The following LARS1 variants were observed in gnomAD, a reference collection of about 807,000 sequenced individuals.
LARS1 encodes leucine--tRNA ligase, cytoplasmic.
In LARS1, 100 loss-of-function variants were observed where a neutral mutation model predicts 162.8. The ratio of observed to expected loss-of-function variants is 0.61; its 90% CI spans 0.52 to 0.73. The LOEUF is 0.73. Among genes scored for constraint, LARS1 ranks in the 30% least tolerant of loss-of-function variants. The pLI, the probability that LARS1 is intolerant of heterozygous loss-of-function variation, is 0.00. For synonymous variants in LARS1, 457 were observed against 462.8 expected, an observed-to-expected ratio of 0.99 and a Z score of 0.16; for missense variants, 1,258 against 1,408.9, an observed-to-expected ratio of 0.89 and a Z score of 1.71.
intron 4 of LARS1, 95 bp from the exon 5 acceptor site, chr5:146,168,360 A>C: frequency 7.4e-7 from 1 of 1,346,278 alleles, no homozygotes; most frequent in Admixed American, 2.3e-5. Flanking sequence ...TTGACTCTGA[A>C]ATTTTTTGCA....
At chr5:146,139,547 A>G (rs1752668729) in intron 21 of LARS1, 1 of 151,920 alleles carries the variant, frequency 6.6e-6, no homozygotes. Flanking sequence ...TTCAATTAAT[A>G]CTATCTACTC....
intron 10 of LARS1, among the ~76,000 whole-genome samples, chr5:146,156,973 T>C (rs1753557068): frequency 1.3e-5 from 2 of 152,170 alleles, no homozygotes; most frequent in South Asian, 4.1e-4. Context: ...AGTCATACAA[T>C]GAATATTACA....
chr5:146,149,891 C>G (rs987337107), intron 14 of LARS1, among the ~76,000 whole-genome samples, 192 bp from the exon 15 acceptor site: 3 of 152,136 alleles, frequency 2.0e-5, no homozygotes, highest in Non-Finnish European at 4.4e-5. Context: ...ACACACTTAT[C>G]GTTCTGTCAG....
At chr5:146,137,071 T>C (rs1337900896) in intron 21 of LARS1, among the ~76,000 whole-genome samples, 1 of 152,216 alleles carries the variant, frequency 6.6e-6, no homozygotes, top group Non-Finnish European at 1.5e-5. Context: ...TAATTTTTTG[T>C]ACTTTTAGTA....
chr5:146,120,632 T>C, intron 30 of LARS1, 129 bp from the exon 31 acceptor site: 1 of 876,936 alleles, frequency 1.1e-6, no homozygotes. Context: ...GACTAAGGAG[T>C]ACTCAAATAT....
intron 22 of LARS1, among the ~76,000 whole-genome samples, chr5:146,134,893 G>A (rs1437314585): frequency 1.3e-5 from 2 of 152,194 alleles, no homozygotes; most frequent in Non-Finnish European, 2.9e-5. Context: ...AGGTTGCAGT[G>A]AGCCAAGATC....
intron 20 of LARS1, among the ~76,000 whole-genome samples, chr5:146,142,336 T>C (rs1164332974): frequency 1.3e-5 from 2 of 152,218 alleles, no homozygotes; most frequent in Non-Finnish European, 2.9e-5. Context: ...AAGGAAAAAA[T>C]GTAATTTTAT....
At chr5:146,133,892 T>C (rs1050266679) in intron 22 of LARS1, among the ~76,000 whole-genome samples, 2 of 152,208 alleles carry the variant, frequency 1.3e-5, no homozygotes, top group African/African-American at 4.8e-5. Context: ...TTGCCCAAGA[T>C]AGAATGCAAT....
chr5:146,163,348 T>C (rs1307483501), intron 6 of LARS1, among the ~76,000 whole-genome samples: 2 of 152,296 alleles, frequency 1.3e-5, no homozygotes, highest in Admixed American at 1.3e-4. Context: ...CATTTTCTTA[T>C]CATTCATGTG....
chr5:146,158,882 G>C (rs1561822516), intron 8 of LARS1, among the ~76,000 whole-genome samples: 1 of 152,110 alleles, frequency 6.6e-6, no homozygotes, highest in Non-Finnish European at 1.5e-5. Context: ...AGATCACGAG[G>C]TCAGGAGATC....
intron 21 of LARS1, 103 bp downstream of exon 21, chr5:146,140,101 C>G (rs1190135341): frequency 1.1e-6 from 1 of 895,844 alleles, no homozygotes; most frequent in Non-Finnish European, 1.8e-6. Context: ...GGCACCACAC[C>G]TGGACACATT....
At chr5:146,164,594 T>A in intron 5 of LARS1, 123 bp from the exon 6 acceptor site, 2 of 918,718 alleles carry the variant, frequency 2.2e-6, no homozygotes, top group Non-Finnish European at 3.5e-6. Flanking sequence ...ATCAGAACAC[T>A]GCAGGAATTA....
chr5:146,175,013 A>G (rs1355957367), intron 2 of LARS1, among the ~76,000 whole-genome samples: 1 of 152,122 alleles, frequency 6.6e-6, no homozygotes, highest in Non-Finnish European at 1.5e-5. Flanking sequence ...TGAGCCCAGG[A>G]GTTGGGACCA....
chr5:146,180,035 T>C (rs1385308357), intron 1 of LARS1, among the ~76,000 whole-genome samples: 1 of 152,380 alleles, frequency 6.6e-6, no homozygotes, highest in Non-Finnish European at 1.5e-5. Context: ...AAATTGTTTA[T>C]AGTCACCTTA....
chr5:146,144,648 C>G lies in LARS1; in HGVS notation c.1565G>C (p.Cys522Ser). 6.2e-7 allele frequency: 1 copy of G among 1,614,096 alleles called. No homozygotes were observed. The highest frequency in any genetic ancestry group is 8.5e-7 in the Non-Finnish European group (1 of 1,180,034). ...KQVMSRSSDE[C>S]VVALCDQWYL... ...CCACTGGTCACACAGAGCCACAACA[C>G]ATTCATCTGACGACCTGGACATCAC... The change falls in exon 16 of 32, where the codon TGT (cysteine) becomes TCT (serine). Residue 522 changes from cysteine to serine, a missense_variant. Physicochemically the swap from Cys to Ser is moderately radical, Grantham distance 112 (BLOSUM62 -1). Transcript: ENST00000394434.
chr5:146,143,259 A>G, intron 19 of LARS1, 153 bp downstream of exon 19: 2 of 984,700 alleles, frequency 2.0e-6, no homozygotes. Flanking sequence ...GTAAGGGGCT[A>G]TTTATTAATT....
chr5:146,141,156 T>TG (rs1752761501), intron 20 of LARS1, among the ~76,000 whole-genome samples: 1 of 152,118 alleles, frequency 6.6e-6, no homozygotes, highest in Non-Finnish European at 1.5e-5. Context: ...TGAGATCATA[T>TG]GGGGGGTTGA....
chr5:146,139,958 A>C (rs1420919826), intron 21 of LARS1, among the ~76,000 whole-genome samples: 3 of 150,982 alleles, frequency 2.0e-5, no homozygotes, highest in African/African-American at 7.3e-5. Flanking sequence ...ATTAATTCAT[A>C]TTATTTCTTA....
chr5:146,151,804 A>T, intron 14 of LARS1, 58 bp downstream of exon 14: 1 of 1,455,776 alleles, frequency 6.9e-7, no homozygotes, highest in Admixed American at 1.9e-5. Context: ...TTTTCTAATT[A>T]AGAAAATCAC....
Sources: gnomAD v4.1 joint callset for allele counts (sites outside exome capture counted in the v4.1 genomes callset) on GRCh38, gnomAD v4.1.1 for gene constraint, MANE v1.5 for transcripts, NCBI Gene and HGNC (gene_info 2026-07-23, HGNC 2026-07-21) for gene names.